CRIM1: variants seen among roughly 807,000 people sequenced by gnomAD.
CRIM1 encodes cysteine-rich motor neuron 1 protein.
A neutral mutation model predicts 116.4 loss-of-function variants in CRIM1; 32 were observed. That is an observed-to-expected ratio of 0.27 (90% CI 0.21 to 0.37). The LOEUF (loss-of-function observed/expected upper bound fraction) is 0.37, where lower values mean the gene tolerates loss of function less well. Ranked by LOEUF, CRIM1 falls within the 10% of genes least tolerant of loss-of-function variation. CRIM1 has a pLI of 1.00. For missense variants in CRIM1, 1,331 were observed against 1,354.8 expected, an observed-to-expected ratio of 0.98 and a Z score of 0.28; for synonymous variants, 590 against 509.2, an observed-to-expected ratio of 1.16 and a Z score of -2.13.
chr2:36,393,372 GTA>G (rs1671767291), intron 1 of CRIM1, among the ~76,000 whole-genome samples: 2 of 151,732 alleles, frequency 1.3e-5, no homozygotes, highest in Admixed American at 6.6e-5. Flanking sequence ...GTGATGTTTT[GTA>G]TATATGTGTG....
chr2:36,414,499 G>A (rs2124823398), intron 2 of CRIM1, among the ~76,000 whole-genome samples: 1 of 152,224 alleles, frequency 6.6e-6, no homozygotes, highest in Non-Finnish European at 1.5e-5. Flanking sequence ...TAAGGTTCTA[G>A]TCCCCCCCCG....
intron 2 of CRIM1, among the ~76,000 whole-genome samples, chr2:36,419,228 A>C (rs1159043682): frequency 6.6e-6 from 1 of 152,186 alleles, no homozygotes; most frequent in Non-Finnish European, 1.5e-5. Context: ...ACAACATGGT[A>C]ATTTGGTTGA....
At chr2:36,360,604 A>G (rs2161904) in intron 1 of CRIM1, among the ~76,000 whole-genome samples, 13 of 151,966 alleles carry the variant, frequency 8.6e-5, no homozygotes, top group Non-Finnish European at 1.5e-5. Context: ...TTGCCATGCA[A>G]AGTTTCTTTG....
At chr2:36,532,071 G>A (rs1666158091) in intron 13 of CRIM1, 1 of 437,830 alleles carries the variant, frequency 2.3e-6, no homozygotes, top group Non-Finnish European at 4.7e-6. Flanking sequence ...GATAAGATAG[G>A]GGCCATAGCT....
chr2:36,519,687 G>A lies in CRIM1; in HGVS notation c.2206+2145G>A, dbSNP rs72866885. On this transcript the variant is annotated intron_variant, in intron 12 of 16. Coordinates refer to ENST00000280527, the MANE Select transcript of CRIM1 (RefSeq NM_016441.3). ...CGAATCCCTCATGATGCTTCCATCTGTAGGGTGCCTTGTCATTTCCTCTCT... is the reference window on the plus strand; with the variant it reads ...CGAATCCCTCATGATGCTTCCATCTATAGGGTGCCTTGTCATTTCCTCTCT... 2.3e-3 allele frequency among the ~76,000 whole-genome samples: 353 copies of A among 152,286 alleles called. 2 individuals carry two copies. The highest frequency in any genetic ancestry group is 8.1e-3 in the African/African-American group (335 of 41,536).
intron 1 of CRIM1, among the ~76,000 whole-genome samples, chr2:36,395,959 C>A (rs1481053934): frequency 6.6e-6 from 1 of 152,124 alleles, no homozygotes; most frequent in Admixed American, 6.5e-5. Flanking sequence ...AGAGTCTCAC[C>A]CTGTTTCCCA....
intron 7 of CRIM1, among the ~76,000 whole-genome samples, chr2:36,494,454 T>C (rs1680445190): frequency 6.6e-6 from 1 of 152,244 alleles, no homozygotes; most frequent in Non-Finnish European, 1.5e-5. Flanking sequence ...TTTGTGTATG[T>C]TATTGCACGT....
intron 5 of CRIM1, among the ~76,000 whole-genome samples, chr2:36,468,035 A>C (rs1343783354): frequency 6.6e-6 from 1 of 152,236 alleles, no homozygotes; most frequent in African/African-American, 2.4e-5. Flanking sequence ...CCAAAAGGTC[A>C]GATTGACACA....
intron 2 of CRIM1, among the ~76,000 whole-genome samples, chr2:36,403,353 T>C (rs1397607285): frequency 6.6e-6 from 1 of 152,198 alleles, no homozygotes; most frequent in Non-Finnish European, 1.5e-5. Flanking sequence ...TTCCTCTATA[T>C]AGAGAAAAAA....
chr2:36,434,985 A>C (rs1458361821), intron 2 of CRIM1, among the ~76,000 whole-genome samples: 1 of 152,150 alleles, frequency 6.6e-6, no homozygotes, highest in Non-Finnish European at 1.5e-5. Context: ...CGTATCACTG[A>C]ATATGCTGCA....
intron 4 of CRIM1, among the ~76,000 whole-genome samples, chr2:36,458,931 T>C (rs1425372723): frequency 6.6e-6 from 1 of 152,184 alleles, no homozygotes; most frequent in Admixed American, 6.5e-5. Context: ...ATTGGATAAA[T>C]TGGTAATATT....
intron 2 of CRIM1, among the ~76,000 whole-genome samples, chr2:36,431,318 T>C (rs1674873886): frequency 6.6e-6 from 1 of 152,214 alleles, no homozygotes; most frequent in Non-Finnish European, 1.5e-5. Context: ...TGAAAAAGTA[T>C]ATATTCTTTT....
rs1446311906 is a variant in CRIM1, at chr2:36,499,207, A to T, written c.1373-12A>T. The stretch of plus-strand genomic sequence containing the variant: ...TGTTTCATTGGTTATTTTTTTCTCT[A>T]TTTATTATTAGAACCAACCATCATC... On this transcript the variant is annotated splice_polypyrimidine_tract_variant and intron_variant, in intron 7 of 16. Transcript: ENST00000280527. The T allele has an allele frequency of 1.9e-6, 3 of 1,598,642 alleles. No individual in the cohort carries two copies. Among genetic ancestry groups the T allele is most frequent in the South Asian group, 2.2e-5 (2 of 89,474 alleles).
chr2:36,402,212 A>G (rs1430975832), intron 2 of CRIM1, among the ~76,000 whole-genome samples: 4 of 152,336 alleles, frequency 2.6e-5, no homozygotes, highest in East Asian at 1.9e-4. Context: ...AGTAACCAGT[A>G]TGCTGTGATA....
chr2:36,386,754 GTAATTT>G (rs1671196981), intron 1 of CRIM1, among the ~76,000 whole-genome samples: 1 of 152,230 alleles, frequency 6.6e-6, no homozygotes, highest in Non-Finnish European at 1.5e-5. Flanking sequence ...TGTAAGTGAA[GTAATTT>G]TAATAGATAT....
At chr2:36,490,850 G>A (rs1159321415) in intron 7 of CRIM1, among the ~76,000 whole-genome samples, 1 of 152,126 alleles carries the variant, frequency 6.6e-6, no homozygotes, top group Non-Finnish European at 1.5e-5. Context: ...TGGCACTTAA[G>A]TCCCCACTGA....
At position 36,499,298 on chromosome 2, in the gene CRIM1, T is replaced by C. The variant is rs1680822894; in HGVS notation, c.1452T>C (p.Asn484=). The change falls in exon 8 of 17, where the codon AAT becomes AAC. Residue 484 remains asparagine, a synonymous_variant. Transcript: ENST00000280527. ...NCTLTGKDCI[N]GFKRDHNGCR... is the part of the protein sequence containing the mutation. ...CTCTGACAGGGAAGGACTGCATTAA[T>C]GGTTTCAAACGCGATCACAATGGTT... 1.2e-6 allele frequency: 2 copies of C among 1,614,004 alleles called. No homozygotes were observed. Among genetic ancestry groups the C allele is most frequent in the Non-Finnish European group, 1.7e-6 (2 of 1,179,966 alleles).
intron 1 of CRIM1, among the ~76,000 whole-genome samples, chr2:36,379,560 C>A (rs1670572928): frequency 1.3e-5 from 2 of 152,124 alleles, no homozygotes; most frequent in African/African-American, 4.8e-5. Flanking sequence ...GTCTTCCGAA[C>A]AGAGCACTGA....
intron 2 of CRIM1, among the ~76,000 whole-genome samples, chr2:36,439,611 C>G (rs1057398418): frequency 6.6e-6 from 1 of 152,114 alleles, no homozygotes; most frequent in Non-Finnish European, 1.5e-5. Context: ...GTCAGCAGTT[C>G]CTTCTGCTGG....
Sources: gnomAD v4.1 joint callset for allele counts (sites outside exome capture counted in the v4.1 genomes callset) on GRCh38, gnomAD v4.1.1 for gene constraint, MANE v1.5 for transcripts, NCBI Gene and HGNC (gene_info 2026-07-23, HGNC 2026-07-21) for gene names.